The following SULF1 variants were observed in gnomAD, a reference collection of about 807,000 sequenced individuals.
SULF1 encodes sulfatase 1.
In SULF1, 46 loss-of-function variants were observed where a neutral mutation model predicts 110.5. The ratio of observed to expected loss-of-function variants is 0.42; its 90% CI spans 0.33 to 0.53. The LOEUF is 0.53. Ranked by LOEUF, SULF1 falls within the 20% of genes least tolerant of loss-of-function variation. The pLI is 0.12. For missense variants in SULF1, 941 were observed against 1,094.2 expected, an observed-to-expected ratio of 0.86 and a Z score of 1.98; for synonymous variants, 371 against 387.1, an observed-to-expected ratio of 0.96 and a Z score of 0.49.
chr8:69,501,783 C>T (rs545460682), intron 2 of SULF1, 91 bp from the exon 3 acceptor site: 1 of 152,144 alleles, frequency 6.6e-6, no homozygotes, highest in Admixed American at 6.5e-5. Context: ...ATGATCACCC[C>T]CTTTGAGGCT....
chr8:69,574,275 A>G (rs1208607132), intron 5 of SULF1, among the ~76,000 whole-genome samples: 1 of 152,082 alleles, frequency 6.6e-6, no homozygotes, highest in African/African-American at 2.4e-5. Context: ...TCCACATTTC[A>G]TGAAGAGAAT....
chr8:69,553,885 C>T (rs1163909958), intron 3 of SULF1, among the ~76,000 whole-genome samples: 1 of 152,188 alleles, frequency 6.6e-6, no homozygotes, highest in African/African-American at 2.4e-5. Flanking sequence ...TTTTTGAAGA[C>T]TGAGATATTA....
At chr8:69,648,139 GAAA>G (rs112144677) in intron 22 of SULF1, among the ~76,000 whole-genome samples, 1 of 117,726 alleles carries the variant, frequency 8.5e-6, no homozygotes, top group African/African-American at 2.9e-5. Context: ...TGTGCCTTCA[GAAA>G]AAAAAAAAAA....
chr8:69,484,626 C>A (rs1207871229), intron 1 of SULF1, among the ~76,000 whole-genome samples: 1 of 152,164 alleles, frequency 6.6e-6, no homozygotes, highest in East Asian at 1.9e-4. Context: ...CTTTAACTAT[C>A]TGGATAATCT....
At chr8:69,556,490 A>C (rs1374287188) in intron 3 of SULF1, among the ~76,000 whole-genome samples, 2 of 152,140 alleles carry the variant, frequency 1.3e-5, no homozygotes, top group African/African-American at 4.8e-5. Flanking sequence ...CTGCCATTCT[A>C]TGTGTGACTT....
At chr8:69,493,372 C>T (rs755462180) in intron 1 of SULF1, among the ~76,000 whole-genome samples, 1 of 151,736 alleles carries the variant, frequency 6.6e-6, no homozygotes, top group Non-Finnish European at 1.5e-5. Context: ...AGGCGAGGTA[C>T]TGAAATTGGC....
intron 2 of SULF1, among the ~76,000 whole-genome samples, chr8:69,496,305 A>C (rs970281942): frequency 7.2e-5 from 11 of 152,192 alleles, no homozygotes; most frequent in African/African-American, 2.4e-4. Flanking sequence ...AGCTATTTCC[A>C]CCTCTAAATA....
At chr8:69,570,577 TGGGA>T (rs1448655026) in intron 5 of SULF1, among the ~76,000 whole-genome samples, 19 of 152,200 alleles carry the variant, frequency 1.2e-4, no homozygotes, top group African/African-American at 3.9e-4. Context: ...GAAATGATTT[TGGGA>T]ATCAAGTAGT....
upstream of SULF1, chr8:69,492,738 C>T (rs1204185269): frequency 6.6e-6 from 1 of 152,642 alleles, no homozygotes; most frequent in East Asian, 1.9e-4. Context: ...CTCTGCTCCT[C>T]CTCTTCTTGG....
At chr8:69,607,890 G>T (rs189514942) in intron 13 of SULF1, among the ~76,000 whole-genome samples, 1 of 152,268 alleles carries the variant, frequency 6.6e-6, no homozygotes, top group East Asian at 1.9e-4. Flanking sequence ...CATGCGCCCT[G>T]CTTCCGTTCC....
At chr8:69,472,619 G>A in intron 1 of SULF1, among the ~76,000 whole-genome samples, 2 of 152,190 alleles carry the variant, frequency 1.3e-5, no homozygotes, top group Non-Finnish European at 2.9e-5. Context: ...GCCAGGGAGA[G>A]GAAAGAAACT....
At chr8:69,559,604 A>G (rs1815336776) in intron 3 of SULF1, among the ~76,000 whole-genome samples, 1 of 152,214 alleles carries the variant, frequency 6.6e-6, no homozygotes, top group African/African-American at 2.4e-5. Flanking sequence ...ATTATTTGAG[A>G]AAATGTCTGC....
chr8:69,513,651 A>G (rs1811725391), intron 3 of SULF1, among the ~76,000 whole-genome samples: 1 of 152,214 alleles, frequency 6.6e-6, no homozygotes, highest in African/African-American at 2.4e-5. Context: ...GAAATGAGGT[A>G]ATTTAATTTG....
rs1441664245 is a variant in SULF1 at position 69,598,118 on chromosome 8, A to AG, written c.735-2485_735-2484insG. Among the ~76,000 whole-genome samples, 4 of 151,976 alleles carry AG rather than the reference A, an allele frequency of 2.6e-5. No homozygotes were observed. In the East Asian group the frequency reaches 7.7e-4, roughly 29 times the overall value. The stretch of plus-strand genomic sequence containing the variant: ...GAAGAACTCTTTCAGGCCAAAAAAA[A>AG]AAAAAGGGGGGGACCATTTGGTTAA... On this transcript the variant is annotated intron_variant, in intron 8 of 22. Coordinates refer to ENST00000402687, the MANE Select transcript of SULF1 (RefSeq NM_001128205.2).
chr8:69,584,922 G>A (rs1237468244), intron 6 of SULF1, among the ~76,000 whole-genome samples: 1 of 152,208 alleles, frequency 6.6e-6, no homozygotes, highest in Non-Finnish European at 1.5e-5. Context: ...CAGAATGTGT[G>A]TTTTAAGACC....
At chr8:69,527,177 G>T (rs1182391393) in intron 3 of SULF1, among the ~76,000 whole-genome samples, 1 of 152,006 alleles carries the variant, frequency 6.6e-6, no homozygotes, top group African/African-American at 2.4e-5. Flanking sequence ...GACTCTTCAG[G>T]ACAGATAATT....
chr8:69,563,322 T>A (rs1284585951), intron 3 of SULF1: 2 of 152,244 alleles, frequency 1.3e-5, no homozygotes, highest in African/African-American at 2.4e-5. Flanking sequence ...ACCACCCTTT[T>A]ATGGAGCTGA....
At chr8:69,609,471 TA>T (rs964214901) in intron 13 of SULF1, among the ~76,000 whole-genome samples, 12 of 152,230 alleles carry the variant, frequency 7.9e-5, no homozygotes, top group African/African-American at 2.9e-4. Context: ...AAGGAATCTG[TA>T]TTTTTTAACG....
chr8:69,549,857 G>A (rs1196667407), intron 3 of SULF1, among the ~76,000 whole-genome samples: 5 of 152,028 alleles, frequency 3.3e-5, no homozygotes, highest in East Asian at 1.9e-4. Flanking sequence ...GCTGTGACTC[G>A]TGGTCTTGAA....
Sources: allele counts gnomAD v4.1 joint callset (sites outside exome capture counted in the v4.1 genomes callset), GRCh38; gene constraint gnomAD v4.1.1; transcripts MANE v1.5; gene names NCBI Gene and HGNC (gene_info 2026-07-23, HGNC 2026-07-21).